Variants in ZNF44 observed in about 807,000 individuals in gnomAD.
ZNF44 encodes the protein zinc finger protein 44, also known as gonadotropin inducible transcription repressor-2.
Under a neutral mutation model 11.7 loss-of-function variants are expected in ZNF44, and 9 were observed. The observed-to-expected ratio is 0.77, with a 90% CI of 0.46 to 1.35. The LOEUF (loss-of-function observed/expected upper bound fraction) is 1.35. Ranked by LOEUF, ZNF44 falls within the 40% of genes most tolerant of loss-of-function variation. The probability of loss-of-function intolerance (pLI) is 0.00; values close to 1 mark genes in which losing one functional copy is unlikely to be tolerated. For synonymous variants in ZNF44, 224 were observed against 242.7 expected (o/e 0.92, Z 0.72); for missense variants, 696 against 743.1 (o/e 0.94, Z 0.74).
chr19:12,277,393 C>T (rs895946083), intron 1 of ZNF44, among the ~76,000 whole-genome samples: 2 of 152,148 alleles, frequency 1.3e-5, no homozygotes, highest in African/African-American at 4.8e-5. Flanking sequence ...TGTTCTTAGA[C>T]AGAATTCAGT....
chr19:12,238,432 C>T (rs1400638749), upstream of ZNF44, among the ~76,000 whole-genome samples: 1 of 152,050 alleles, frequency 6.6e-6, no homozygotes, highest in East Asian at 1.9e-4. Context: ...CAAGACTATC[C>T]TGGCCAACAT....
intron 1 of ZNF44, among the ~76,000 whole-genome samples, chr19:12,283,440 T>C (rs1967573037): frequency 6.6e-6 from 1 of 152,160 alleles, no homozygotes; most frequent in East Asian, 1.9e-4. Flanking sequence ...GCCATTCTCC[T>C]GCCTCAGCCT....
intron 1 of ZNF44, among the ~76,000 whole-genome samples, chr19:12,290,601 GAGGC>G (rs1174671154): frequency 2.6e-5 from 4 of 151,992 alleles, no homozygotes; most frequent in Admixed American, 2.0e-4. Flanking sequence ...TGAAGAGGCT[GAGGC>G]AGGAGAATCG....
At chr19:12,260,193 G>A (rs1917445428) in intron 5 of ZNF44, 2 of 771,564 alleles carry the variant, frequency 2.6e-6, no homozygotes, top group Non-Finnish European at 4.7e-6. Flanking sequence ...GGACTATGCC[G>A]ACCTACAGCA....
chr19:12,230,769 A>T (rs1916130608), intron 2 of ZNF44, among the ~76,000 whole-genome samples: 2 of 152,076 alleles, frequency 1.3e-5, no homozygotes, highest in Non-Finnish European at 2.9e-5. Context: ...TTTAGAAAAA[A>T]CCTGAGAGGG....
chr19:12,277,109 T>G (rs1214839188), intron 1 of ZNF44, among the ~76,000 whole-genome samples: 1 of 152,210 alleles, frequency 6.6e-6, no homozygotes, highest in African/African-American at 2.4e-5. Flanking sequence ...AGAAACACTC[T>G]AGGCACAGGG....
Position 12,272,190 on chromosome 19 carries a change from G to T in ZNF44, c.*217C>A. The T allele has an allele frequency of 6.6e-6, 4 of 603,906 alleles. No homozygotes were observed. Among genetic ancestry groups the T allele is most frequent in the Non-Finnish European group, 9.5e-6 (4 of 420,646 alleles). The allele number at this position is 603,906 out of a possible 1,614,324, so 37.4% of individuals were successfully genotyped here. ...TTTTTTTTTTTCCGTATTTTTAGTA[G>T]AGACAGGGTTTCCCATGTTAGCCAG... is the stretch of plus-strand genomic sequence containing the variant. On this transcript the variant is annotated 3_prime_UTR_variant, in exon 4 of 4. Coordinates refer to ENST00000355684, the MANE Select transcript of ZNF44 (RefSeq NM_016264.4).
upstream of ZNF44, among the ~76,000 whole-genome samples, chr19:12,241,001 T>G (rs758789773): frequency 1.3e-5 from 2 of 152,128 alleles, no homozygotes; most frequent in Non-Finnish European, 2.9e-5. Flanking sequence ...TATTTGCAAA[T>G]CACGTATCTT....
intron 2 of ZNF44, among the ~76,000 whole-genome samples, chr19:12,231,347 G>C (rs1326112301): frequency 6.6e-6 from 1 of 152,028 alleles, no homozygotes; most frequent in Non-Finnish European, 1.5e-5. Context: ...AGGACATCAG[G>C]CTGCTGTCCC....
chr19:12,284,359 C>T (rs148882886), intron 1 of ZNF44: 230 of 572,052 alleles, frequency 4.0e-4, no homozygotes, highest in African/African-American at 3.9e-3. Context: ...GCAGGTGCAG[C>T]GCGGGGGTCC....
intron 7 of ZNF44, among the ~76,000 whole-genome samples, chr19:12,248,910 T>TC (rs918737082): frequency 2.0e-5 from 3 of 151,650 alleles, no homozygotes; most frequent in African/African-American, 7.3e-5. Context: ...TTTTTTTTTT[T>TC]TGAGACGGAG....
chr19:12,239,413 C>CTTTT (rs34726133), upstream of ZNF44, among the ~76,000 whole-genome samples: 4 of 113,880 alleles, frequency 3.5e-5, no homozygotes, highest in East Asian at 9.8e-4. Flanking sequence ...TGCACCTGGC[C>CTTTT]TTTTTTTTTT....
At position 12,273,272 on chromosome 19, in the gene ZNF44, A is replaced by T; in HGVS notation, c.983T>A (p.Met328Lys). ...AGGTCCATCTCCACTGTGCATTATCATGTGTCTTTGAAAGCTTCCAAGATG... is the reference window on the plus strand; with the variant it reads ...AGGTCCATCTCCACTGTGCATTATCTTGTGTCTTTGAAAGCTTCCAAGATG... ...FCHLGSFQRHMIMHSGDGPHK... is the reference protein window; with the variant it reads ...FCHLGSFQRHKIMHSGDGPHK... Residue 328 changes from methionine (M) to lysine (K), a missense_variant, in exon 4 of 4, where the codon ATG becomes AAG. Coordinates refer to ENST00000355684, the MANE Select transcript of ZNF44 (RefSeq NM_016264.4). 9 of 1,613,490 alleles carry T rather than the reference A, an allele frequency of 5.6e-6. No individual in the cohort carries two copies. The highest frequency in any genetic ancestry group is 7.6e-6 in the Non-Finnish European group (9 of 1,179,916).
At chr19:12,293,356 A>C in intron 1 of ZNF44, 1 of 1,536,792 alleles carries the variant, frequency 6.5e-7, no homozygotes, top group East Asian at 2.4e-5. Context: ...GTAGCCCCAG[A>C]AAGTTCCATA....
upstream of ZNF44, among the ~76,000 whole-genome samples, chr19:12,239,888 A>G (rs1372356766): frequency 6.6e-6 from 1 of 151,974 alleles, no homozygotes; most frequent in Non-Finnish European, 1.5e-5. Context: ...TTGCGTTTTT[A>G]TATAGTAACA....
chr19:12,246,531 T>C (rs969842093), downstream of ZNF44, among the ~76,000 whole-genome samples: 4 of 134,692 alleles, frequency 3.0e-5, no homozygotes, highest in African/African-American at 1.2e-4. Flanking sequence ...ACTGTCATTT[T>C]TCAATGGCCC....
chr19:12,246,076 C>T (rs17001892), downstream of ZNF44, among the ~76,000 whole-genome samples: 336 of 152,308 alleles, frequency 2.2e-3, 2 homozygotes, highest in African/African-American at 7.6e-3. Context: ...TCTGTCTCCA[C>T]GCAGATGGGT....
upstream of ZNF44, among the ~76,000 whole-genome samples, chr19:12,242,371 G>A (rs548815226): frequency 5.9e-5 from 9 of 151,776 alleles, no homozygotes; most frequent in South Asian, 2.1e-4. Flanking sequence ...TTAGCCGGGC[G>A]TGGTGGTGGG....
chr19:12,280,686 G>A (rs765867040), intron 1 of ZNF44, among the ~76,000 whole-genome samples: 1 of 151,918 alleles, frequency 6.6e-6, no homozygotes, highest in Non-Finnish European at 1.5e-5. Context: ...AAAAAACAAG[G>A]CCCCAAACTA....
Sources: allele counts gnomAD v4.1 joint callset (sites outside exome capture counted in the v4.1 genomes callset), GRCh38; gene constraint gnomAD v4.1.1; transcripts MANE v1.5; gene names NCBI Gene and HGNC (gene_info 2026-07-23, HGNC 2026-07-21).